CACNG7: variants seen among roughly 807,000 people sequenced by gnomAD.
The protein encoded by CACNG7 is voltage-dependent calcium channel gamma-7 subunit.
Under a neutral mutation model 26.3 loss-of-function variants are expected in CACNG7, and 9 were observed. The ratio of observed to expected loss-of-function variants is 0.34; its 90% CI spans 0.21 to 0.60. The LOEUF (loss-of-function observed/expected upper bound fraction) is 0.60, where lower values mean the gene tolerates loss of function less well. CACNG7 is among the 20% of genes least tolerant of loss of function. The pLI is 0.81. For synonymous variants in CACNG7, 170 were observed against 157.0 expected (o/e 1.08, Z -0.62); for missense variants, 297 against 380.4 (o/e 0.78, Z 1.82).
chr19:53,923,175 C>T (rs200357283), intron 4 of CACNG7, among the ~76,000 whole-genome samples: 1,055 of 86,706 alleles, frequency 0.012, 61 homozygotes, highest in East Asian at 0.066. Flanking sequence ...TGGAGTTGTC[C>T]CAGGTCTGGT....
intron 1 of CACNG7, among the ~76,000 whole-genome samples, chr19:53,910,041 G>A (rs1476205418): frequency 6.6e-6 from 1 of 152,168 alleles, no homozygotes; most frequent in Non-Finnish European, 1.5e-5. Flanking sequence ...GGAAAGGCTG[G>A]AGGAATAAGG....
Position 53,929,109 on chromosome 19 carries a change from C to T in CACNG7, c.425-12361C>T, listed in dbSNP as rs1599992067. Among the ~76,000 whole-genome samples the T allele has an allele frequency of 8.4e-5, 9 of 107,370 alleles. No individual in the cohort carries two copies. In the South Asian group the frequency reaches 2.9e-3, roughly 35 times the overall value. The allele number at this position is 107,370 out of a possible 152,430, so 70.4% of individuals were successfully genotyped here. A position where few individuals can be genotyped will look rare whatever the true frequency, so the allele number is the denominator to read the frequency against. ...CCTGGGTGACACAGTGAGACTCCAC[C>T]TCAAAAAAAAAACAAAAAAAAAAAA... is the stretch of plus-strand genomic sequence containing the variant. On this transcript the variant is annotated intron_variant, in intron 4 of 5. Coordinates refer to ENST00000391767, the MANE Select transcript of CACNG7 (RefSeq NM_031896.5).
intron 4 of CACNG7, among the ~76,000 whole-genome samples, chr19:53,932,898 C>T: frequency 6.6e-6 from 1 of 150,768 alleles, no homozygotes; most frequent in East Asian, 1.9e-4. Flanking sequence ...ACCTCCGCCT[C>T]CCAGGTTAAA....
intron 4 of CACNG7, among the ~76,000 whole-genome samples, chr19:53,938,124 A>C (rs2069116664): frequency 6.6e-6 from 1 of 152,002 alleles, no homozygotes; most frequent in Non-Finnish European, 1.5e-5. Context: ...AGGTGGAAGA[A>C]CTGCTTGAGC....
Position 53,918,122 on chromosome 19 carries a change from G to A in CACNG7, c.424+2617G>A, listed in dbSNP as rs1467544441. ...GCCAAGCTTGGGGTGTATAGTGGCT[G>A]AAGGCCACATGTTGTAAACCTAGGA... On this transcript the variant is annotated intron_variant, in intron 4 of 5. Coordinates refer to ENST00000391767, the MANE Select transcript of CACNG7 (RefSeq NM_031896.5). 2.6e-5 allele frequency among the ~76,000 whole-genome samples: 4 copies of A among 152,246 alleles called. No homozygotes were observed. The East Asian group carries it at 7.7e-4, about 29-fold the overall frequency.
chr19:53,918,775 T>A (rs188590536), intron 4 of CACNG7, among the ~76,000 whole-genome samples: 8 of 152,342 alleles, frequency 5.3e-5, no homozygotes, highest in African/African-American at 1.9e-4. Context: ...TTTTTTATTT[T>A]TTATTTTTTT....
At position 53,942,506 on chromosome 19, in the gene CACNG7, T is replaced by G. The variant is rs2069145332; in HGVS notation, c.*213T>G. On this transcript the variant is annotated 3_prime_UTR_variant, in exon 6 of 6. Transcript: ENST00000391767. This position sits in a 1 kb window ranked among gnomAD's most constrained non-coding sequence, Gnocchi z 5.9. ...CTCTTTTCCCGACCTCTCCTTTTCA[T>G]TGGTCCCTCTCACTCCCAAATGACT... 7.0e-7 allele frequency: 1 copy of G among 1,419,022 alleles called. No homozygotes were observed. Among genetic ancestry groups the G allele is most frequent in the Admixed American group, 2.9e-5 (1 of 34,138 alleles). The allele number at this position is 1,419,022 out of a possible 1,614,324, so 87.9% of individuals were successfully genotyped here.
intron 4 of CACNG7, among the ~76,000 whole-genome samples, chr19:53,935,582 C>CA (rs1329705115): frequency 6.7e-6 from 1 of 150,354 alleles, no homozygotes; most frequent in Non-Finnish European, 1.5e-5. Flanking sequence ...CTCAGCCTCC[C>CA]AAACTACTGG....
rs766951323 is a variant in CACNG7 at position 53,912,863 on chromosome 19, T to C, written c.32T>C (p.Leu11Pro). Residue 11 changes from leucine to proline, a missense_variant, in exon 2 of 6, where the codon CTG (leucine) becomes CCG (proline). Leu to Pro is a moderately conservative substitution (Grantham distance 98). Coordinates refer to ENST00000391767, the MANE Select transcript of CACNG7 (RefSeq NM_031896.5). This position sits in a 1 kb window ranked among gnomAD's most constrained non-coding sequence, Gnocchi z 4.6. ...CACTGCAGCAGCCGCGCCCTGACCC[T>C]GCTGAGCAGCGTGTTTGGTGCGTGT... Reference protein sequence around the residue: MSHCSSRALTLLSSVFGACGL... With the variant: MSHCSSRALTPLSSVFGACGL... 4.3e-6 allele frequency: 7 copies of C among 1,613,700 alleles called. No individual in the cohort carries two copies. The highest frequency in any genetic ancestry group is 5.1e-6 in the Non-Finnish European group (6 of 1,180,028).
Position 53,943,514 on chromosome 19 carries a change from G to A in CACNG7, c.*1221G>A, listed in dbSNP as rs1362070616. The A allele has an allele frequency of 7.6e-6, 1 of 131,516 alleles. No individual in the cohort carries two copies. The highest frequency in any genetic ancestry group is 2.9e-5 in the African/African-American group (1 of 34,680). 8.1% of individuals were successfully genotyped at this position (131,516 alleles called of 1,614,324 possible). ...GGGAGGGGGGCAGGGGAGGGACGGG[G>A]GCTTTTAGTTTGCATCTTAGGTGGG... On this transcript the variant is annotated 3_prime_UTR_variant, in exon 6 of 6. Transcript: ENST00000391767.
At chr19:53,914,000 G>T (rs2068877394) in intron 2 of CACNG7, among the ~76,000 whole-genome samples, 1 of 151,944 alleles carries the variant, frequency 6.6e-6, no homozygotes, top group South Asian at 2.1e-4. Flanking sequence ...TCCAGGCCAG[G>T]TGCAATGGCT....
chr19:53,915,305 G>T, intron 3 of CACNG7, 60 bp from the exon 4 acceptor site: 1 of 1,312,010 alleles, frequency 7.6e-7, no homozygotes, highest in South Asian at 1.2e-5. Context: ...GTCAAGGAAT[G>T]GGGAAGTGTC....
At chr19:53,920,939 G>A (rs2068942596) in intron 4 of CACNG7, among the ~76,000 whole-genome samples, 1 of 105,300 alleles carries the variant, frequency 9.5e-6, no homozygotes, top group Non-Finnish European at 1.9e-5. Context: ...TGGTGGACTT[G>A]CCCCAGGCTG....
chr19:53,940,722 C>G lies in CACNG7; in HGVS notation c.425-748C>G, dbSNP rs941409445. On this transcript the variant is annotated intron_variant, in intron 4 of 5. Coordinates refer to ENST00000391767, the MANE Select transcript of CACNG7 (RefSeq NM_031896.5). The surrounding 1 kb of genome is among the most constrained non-coding windows in gnomAD (Gnocchi z 4.1). ...CCTCCTTCCGAAACCTTTGCCCATG[C>G]TGTGCACTCTGCCAGTGTGCCCTTA... 2.0e-5 allele frequency among the ~76,000 whole-genome samples: 3 copies of G among 152,070 alleles called. No homozygotes were observed. The highest frequency in any genetic ancestry group is 4.4e-5 in the Non-Finnish European group (3 of 68,026).
In CACNG7 at chr19:53,915,426, C is replaced by T. The variant is rs147913695; in HGVS notation, c.345C>T (p.Phe115=). 2.8e-5 allele frequency: 45 copies of T among 1,614,048 alleles called. No homozygotes were observed. The Admixed American group carries it at 4.2e-4, about 15-fold the overall frequency. The change falls in exon 4 of 6, where the codon TTC becomes TTT. Residue 115 remains phenylalanine, a synonymous_variant. Transcript: ENST00000391767. ...MVSLFLVFTA[F]VISNIGHIRP... ...GCCTCTTCCTCGTGTTCACGGCCTT[C>T]GTCATCAGCAACATCGGCCACATCC...
chr19:53,914,331 C>A (rs1010128292), intron 2 of CACNG7, among the ~76,000 whole-genome samples, 169 bp from the exon 3 acceptor site: 3 of 151,672 alleles, frequency 2.0e-5, no homozygotes, highest in Admixed American at 2.0e-4. Context: ...AGACAGACAT[C>A]CACCCACCCG....
Position 53,931,060 on chromosome 19 carries a change from G to A in CACNG7, c.425-10410G>A, listed in dbSNP as rs1406433096. On this transcript the variant is annotated intron_variant, in intron 4 of 5. Coordinates refer to ENST00000391767, the MANE Select transcript of CACNG7 (RefSeq NM_031896.5). ...AAATTACCAAAAGTCAGCCAGGCAT[G>A]GGGCATGCACCTGCAGTCCCAGCTA... 2.0e-5 allele frequency among the ~76,000 whole-genome samples: 3 copies of A among 152,012 alleles called. No homozygotes were observed. In the East Asian group the frequency reaches 5.8e-4, roughly 29 times the overall value.
At chr19:53,930,752 C>CCCT (rs137919018) in intron 4 of CACNG7, among the ~76,000 whole-genome samples, 11,709 of 151,944 alleles carry the variant, frequency 0.077, 1,509 homozygotes, top group African/African-American at 0.27. Context: ...AGGTGATCTG[C>CCCT]CCTCAGCCTC....
At chr19:53,929,646 A>AC in intron 4 of CACNG7, among the ~76,000 whole-genome samples, 1 of 151,904 alleles carries the variant, frequency 6.6e-6, no homozygotes, top group Non-Finnish European at 1.5e-5. Flanking sequence ...TAGTAGACAG[A>AC]GGGTTTCACC....
Sources: allele counts gnomAD v4.1 joint callset (sites outside exome capture counted in the v4.1 genomes callset), GRCh38; gene constraint gnomAD v4.1.1; non-coding constraint Gnocchi (gnomAD v3.1); transcripts MANE v1.5; gene names NCBI Gene and HGNC (gene_info 2026-07-23, HGNC 2026-07-21).